The following MTRR variants were observed in gnomAD, a reference collection of about 807,000 sequenced individuals.
The protein encoded by MTRR is 5-methyltetrahydrofolate-homocysteine methyltransferase reductase.
Under a neutral mutation model 79.2 loss-of-function variants are expected in MTRR, and 63 were observed. The observed-to-expected ratio is 0.80, with a 90% CI of 0.65 to 0.98. The LOEUF (loss-of-function observed/expected upper bound fraction) is 0.98, where lower values mean the gene tolerates loss of function less well. MTRR is among the 50% of genes least tolerant of loss of function. The pLI is 0.00. For missense variants in MTRR, 895 were observed against 839.6 expected, an observed-to-expected ratio of 1.07 and a Z score of -0.82; for synonymous variants, 355 against 313.3, an observed-to-expected ratio of 1.13 and a Z score of -1.41.
chr5:7,852,913 A>G (rs918325734), intron 1 of MTRR, among the ~76,000 whole-genome samples: 7 of 152,208 alleles, frequency 4.6e-5, no homozygotes, highest in Admixed American at 4.6e-4. Context: ...TTGGGAATTC[A>G]GCTAAAACTG....
chr5:7,883,598 G>T (rs990507501), intron 6 of MTRR, among the ~76,000 whole-genome samples: 1 of 152,208 alleles, frequency 6.6e-6, no homozygotes. Context: ...ATGCTGAGTT[G>T]TGTGGTGCTT....
intron 10 of MTRR, 119 bp from the exon 11 acceptor site, chr5:7,892,608 T>G (rs983872797): frequency 1.8e-6 from 2 of 1,113,116 alleles, no homozygotes; most frequent in Non-Finnish European, 2.7e-6. Context: ...CTGTGAGGAT[T>G]TGGAAGGTAG....
chr5:7,856,966 C>G (rs1161117950), intron 1 of MTRR: 1 of 151,972 alleles, frequency 6.6e-6, no homozygotes, highest in Non-Finnish European at 1.5e-5. Context: ...TGCCTGCCAT[C>G]TACACACACA....
Position 7,873,443 on chromosome 5 carries a change from A to G in MTRR, c.200A>G (p.Asp67Gly). The G allele has an allele frequency of 6.2e-7, 1 of 1,614,142 alleles. No homozygotes were observed. Among genetic ancestry groups the G allele is most frequent in the Non-Finnish European group, 8.5e-7 (1 of 1,180,018 alleles). ...VSTTGTGDPPDTARKFVKEIQ... is the reference protein window; with the variant it reads ...VSTTGTGDPPGTARKFVKEIQ... ...ACCACGGGCACCGGAGACCCACCCG[A>G]CACAGCCCGCAAGTTTGTTAAGGAA... Residue 67 changes from aspartate (D) to glycine (G), a missense_variant, in exon 3 of 15, where the codon GAC (aspartate) becomes GGC (glycine). By Grantham distance (94) the Asp-to-Gly change is moderately conservative (BLOSUM62 -1). Coordinates refer to ENST00000440940, the MANE Select transcript of MTRR (RefSeq NM_002454.3).
At chr5:7,885,014 C>G (rs182712656) in intron 6 of MTRR, 3 of 152,840 alleles carry the variant, frequency 2.0e-5, no homozygotes, top group East Asian at 1.9e-4. Context: ...TTAGTCCAGT[C>G]TCTCTCCCTT....
At chr5:7,889,809 C>T (rs77414867) in intron 9 of MTRR, among the ~76,000 whole-genome samples, 2,256 of 152,264 alleles carry the variant, frequency 0.015, 52 homozygotes, top group Non-Finnish European at 0.019. Context: ...GGGACTGTGT[C>T]GTACCAGTGC....
At position 7,889,115 on chromosome 5, in the gene MTRR, G is replaced by A. The variant is rs1737115118; in HGVS notation, c.1167G>A (p.Val389=). ...TGTAGGCATTTTTGCGAGCCCTTGT[G>A]GACTATACCAGTGACAGTGCTGAAA... ...IPKKAFLRAL[V]DYTSDSAEKR... The change falls in exon 9 of 15, where the codon GTG becomes GTA. Residue 389 remains valine (V), a synonymous_variant. Transcript: ENST00000440940. The A allele has an allele frequency of 1.2e-6, 2 of 1,613,950 alleles. No individual in the cohort carries two copies. The highest frequency in any genetic ancestry group is 1.7e-6 in the Non-Finnish European group (2 of 1,179,980).
rs1367567348 is a variant in MTRR, at chr5:7,886,635, A to G, written c.1078A>G (p.Ile360Val). 1 of 1,613,764 alleles carries G rather than the reference A, an allele frequency of 6.2e-7. No individual in the cohort carries two copies. Among genetic ancestry groups the G allele is most frequent in the Non-Finnish European group, 8.5e-7 (1 of 1,179,696 alleles). The stretch of plus-strand genomic sequence containing the variant: ...AAAAGGAGCTACCTTACCCCAGCAT[A>G]TACCTGCGGGATGTTCTCTCCAGTT... ...KKKGATLPQH[I>V]PAGCSLQFIF... The change falls in exon 8 of 15, where the codon ATA becomes GTA. Residue 360 changes from isoleucine to valine, a missense_variant. Ile to Val is a conservative substitution (Grantham distance 29). Transcript: ENST00000440940.
intron 1 of MTRR, among the ~76,000 whole-genome samples, chr5:7,860,620 G>GT (rs1746469645): frequency 6.6e-6 from 1 of 152,182 alleles, no homozygotes; most frequent in Non-Finnish European, 1.5e-5. Flanking sequence ...TAAACTAGAC[G>GT]TAAGATCGGT....
upstream of MTRR, chr5:7,866,793 T>G (rs147051108): frequency 8.3e-4 from 1,335 of 1,614,196 alleles, 5 homozygotes; most frequent in African/African-American, 0.014. Context: ...TTTTCCAGCT[T>G]TCTAAATAAA....
In MTRR at chr5:7,873,276, AAT is replaced by A. The variant is rs1748314286; in HGVS notation, c.130-95_130-94del. On this transcript the variant is annotated intron_variant, in intron 2 of 14. Transcript: ENST00000440940. Reference sequence around the variant, plus strand: ...AAAAACTGGCAAGGAAGAAGATTGAAATACAAGACAGGAAACTAAGCTGATTG... The same window carrying A: ...AAAAACTGGCAAGGAAGAAGATTGAAACAAGACAGGAAACTAAGCTGATTG... The A allele has an allele frequency of 8.0e-6, 12 of 1,496,182 alleles. No homozygotes were observed. The South Asian group carries it at 1.4e-4, about 17-fold the overall frequency. 92.7% of individuals were successfully genotyped at this position (1,496,182 alleles called of 1,614,324 possible).
intron 11 of MTRR, 198 bp downstream of exon 11, chr5:7,893,111 A>C: frequency 1.6e-6 from 1 of 642,336 alleles, no homozygotes; most frequent in Non-Finnish European, 2.7e-6. Flanking sequence ...GTATTTTCTG[A>C]ATGTATAAAG....
At chr5:7,875,619 C>T (rs1734408343) in intron 4 of MTRR, among the ~76,000 whole-genome samples, 1 of 152,182 alleles carries the variant, frequency 6.6e-6, no homozygotes, top group Non-Finnish European at 1.5e-5. Context: ...AAAAGGTGCT[C>T]CAGTACAGTT....
chr5:7,864,083 T>C (rs1746757450), intron 2 of MTRR, among the ~76,000 whole-genome samples: 1 of 152,154 alleles, frequency 6.6e-6, no homozygotes, highest in Non-Finnish European at 1.5e-5. Flanking sequence ...ACTCCTGACC[T>C]CAGGTGATCC....
chr5:7,878,415 A>G (rs139930391), intron 5 of MTRR, 93 bp downstream of exon 5: 2 of 1,523,028 alleles, frequency 1.3e-6, no homozygotes, highest in African/African-American at 2.8e-5. Flanking sequence ...AGAGAGGTCA[A>G]CAAACTATGG....
intron 14 of MTRR, among the ~76,000 whole-genome samples, chr5:7,899,617 A>G (rs1029110491): frequency 1.3e-5 from 2 of 152,190 alleles, no homozygotes; most frequent in Admixed American, 6.5e-5. Flanking sequence ...GGAGCCAGGC[A>G]GGACCTCAGA....
At chr5:7,850,919 G>A (rs990634922), upstream of MTRR, 4 of 1,359,824 alleles carry the variant, frequency 2.9e-6, no homozygotes, top group African/African-American at 4.5e-5. Context: ...GGGTCCAGGC[G>A]CCGCGGCGGG....
intron 2 of MTRR, 116 bp downstream of exon 2, chr5:7,871,039 A>G: frequency 8.0e-7 from 1 of 1,244,684 alleles, no homozygotes; most frequent in Non-Finnish European, 1.2e-6. Flanking sequence ...GTTTTTTAAC[A>G]GAAATGTGTT....
chr5:7,895,009 T>C (rs1489768500), intron 11 of MTRR, among the ~76,000 whole-genome samples: 1 of 152,204 alleles, frequency 6.6e-6, no homozygotes, highest in East Asian at 1.9e-4. Context: ...TCGTCATTAC[T>C]TCCTACAGTC....
Sources: allele counts gnomAD v4.1 joint callset (sites outside exome capture counted in the v4.1 genomes callset), GRCh38; gene constraint gnomAD v4.1.1; transcripts MANE v1.5; gene names NCBI Gene and HGNC (gene_info 2026-07-23, HGNC 2026-07-21).